The following KDM4C variants were observed in gnomAD, a reference collection of about 807,000 sequenced individuals.
The protein encoded by KDM4C is lysine demethylase 4C.
A neutral mutation model predicts 129.3 loss-of-function variants in KDM4C; 81 were observed. The ratio of observed to expected loss-of-function variants is 0.63; its 90% confidence interval spans 0.52 to 0.75. The LOEUF (loss-of-function observed/expected upper bound fraction) is 0.75, where lower values mean the gene tolerates loss of function less well. Among genes scored for constraint, KDM4C ranks in the 30% least tolerant of loss-of-function variants. KDM4C has a pLI of 0.00. For missense variants in KDM4C, 1,457 were observed against 1,304.0 expected, an observed-to-expected ratio of 1.12 and a Z score of -1.81; for synonymous variants, 573 against 456.1, an observed-to-expected ratio of 1.26 and a Z score of -3.26.
At chr9:7,137,507 C>T (rs1424838429) in intron 19 of KDM4C, among the ~76,000 whole-genome samples, 1 of 152,164 alleles carries the variant, frequency 6.6e-6, no homozygotes, top group Non-Finnish European at 1.5e-5. Context: ...CAAAATTTTA[C>T]ACTTTTAAAT....
Position 6,900,024 on chromosome 9 carries a change from G to C in KDM4C, c.921+6792G>C, listed in dbSNP as rs145165781. ...TGTTTTTAATTCAGTCTAGTTTCTT[G>C]TAGTTAAATACAATAGTAATAATAT... On this transcript the variant is annotated intron_variant, in intron 8 of 21. Coordinates refer to ENST00000381309, the MANE Select transcript of KDM4C (RefSeq NM_015061.6). 6.4e-3 allele frequency among the ~76,000 whole-genome samples: 970 copies of C among 152,256 alleles called. 8 individuals are homozygous for C. Among genetic ancestry groups the C allele is most frequent in the South Asian group, 0.011 (51 of 4,832 alleles).
chr9:6,835,574 C>G lies in KDM4C; in HGVS notation c.436-13933C>G, dbSNP rs1835734196. The G allele has an allele frequency of 7.3e-5, 74 of 1,009,032 alleles. 1 individual carries two copies. In the South Asian group the frequency reaches 9.1e-4, roughly 12 times the overall value. The allele number at this position is 1,009,032 out of a possible 1,614,324, so 62.5% of individuals were successfully genotyped here. On this transcript the variant is annotated intron_variant, in intron 4 of 21. Coordinates refer to ENST00000381309, the MANE Select transcript of KDM4C (RefSeq NM_015061.6). ...TCCATCATCCATCCTTCAAATGCTTCTAGGCGGACTGTGACTTAGTTGTGT... is the reference window on the plus strand; with the variant it reads ...TCCATCATCCATCCTTCAAATGCTTGTAGGCGGACTGTGACTTAGTTGTGT...
chr9:6,997,661 T>C, intron 12 of KDM4C, among the ~76,000 whole-genome samples: 1 of 152,238 alleles, frequency 6.6e-6, no homozygotes, highest in East Asian at 1.9e-4. Flanking sequence ...GTCTTGACTT[T>C]GTGCTTTATA....
At chr9:6,864,666 A>G (rs933045107) in intron 5 of KDM4C, among the ~76,000 whole-genome samples, 4 of 151,290 alleles carry the variant, frequency 2.6e-5, no homozygotes, top group Admixed American at 1.3e-4. Context: ...TTATTTATTT[A>G]TCTTTTTCTA....
intron 19 of KDM4C, among the ~76,000 whole-genome samples, chr9:7,155,874 A>G (rs1427927628): frequency 6.6e-6 from 1 of 152,254 alleles, no homozygotes; most frequent in Admixed American, 6.5e-5. Context: ...GAATATACCC[A>G]GTAATGGGGT....
intron 1 of KDM4C, among the ~76,000 whole-genome samples, chr9:6,747,948 C>T (rs1817935027): frequency 1.3e-5 from 2 of 152,098 alleles, no homozygotes; most frequent in Non-Finnish European, 2.9e-5. Flanking sequence ...GAGGCCAAGG[C>T]CGGTGGCTCA....
chr9:6,905,514 G>A (rs970701548), intron 8 of KDM4C, among the ~76,000 whole-genome samples: 1 of 152,152 alleles, frequency 6.6e-6, no homozygotes, highest in Non-Finnish European at 1.5e-5. Flanking sequence ...TATCAGAGAG[G>A]TTCTTCTGAA....
At chr9:7,103,255 A>G (rs1837302769) in intron 17 of KDM4C, among the ~76,000 whole-genome samples, 2 of 152,214 alleles carry the variant, frequency 1.3e-5, no homozygotes. Context: ...CATCTAATTT[A>G]GGAAAGAATG....
chr9:6,736,982 G>C lies in KDM4C; in HGVS notation c.49+15985G>C, dbSNP rs148851363. Among the ~76,000 whole-genome samples the C allele has an allele frequency of 9.3e-3, 1,404 of 150,234 alleles. 21 individuals are homozygous for C. Among genetic ancestry groups the C allele is most frequent in the African/African-American group, 0.033 (1,335 of 40,884 alleles). On this transcript the variant is annotated intron_variant, in intron 1 of 17. Coordinates refer to the KDM4C transcript ENST00000536108. The stretch of plus-strand genomic sequence containing the variant: ...ACAAGTATCGCTTGAACCTGGGAGG[G>C]GGAGGTTGCAGTGAGCCAAGATCAC...
chr9:6,802,949 A>G (rs558878927), intron 2 of KDM4C, among the ~76,000 whole-genome samples: 1 of 152,376 alleles, frequency 6.6e-6, no homozygotes, highest in African/African-American at 2.4e-5. Flanking sequence ...AGTGAAGTAT[A>G]AAAGATAAAC....
chr9:7,086,551 C>T (rs1174810097), intron 17 of KDM4C, among the ~76,000 whole-genome samples: 1 of 152,176 alleles, frequency 6.6e-6, no homozygotes, highest in Non-Finnish European at 1.5e-5. Flanking sequence ...CCATCTGCTC[C>T]TCCTACCACA....
chr9:7,115,577 C>T (rs1026508885), intron 18 of KDM4C, among the ~76,000 whole-genome samples: 1 of 152,018 alleles, frequency 6.6e-6, no homozygotes, highest in African/African-American at 2.4e-5. Flanking sequence ...ATGCCATAGC[C>T]GTAATGAAAA....
At chr9:6,749,022 A>ATTC (rs1563926577) in intron 1 of KDM4C, 1 of 667,592 alleles carries the variant, frequency 1.5e-6, no homozygotes. Context: ...GCTTATTATT[A>ATTC]TTATTTTTAT....
intron 1 of KDM4C, chr9:6,721,029 C>A (rs1329304551): frequency 2.0e-6 from 3 of 1,537,836 alleles, no homozygotes; most frequent in Non-Finnish European, 2.6e-6. Context: ...ATCCAGGACA[C>A]TTTGTACATA....
At chr9:6,980,865 C>A in intron 8 of KDM4C, 60 bp from the exon 9 acceptor site, 2 of 1,443,750 alleles carry the variant, frequency 1.4e-6, no homozygotes, top group Non-Finnish European at 1.9e-6. Flanking sequence ...CAAGGACCAA[C>A]TCTGTGTTAC....
At chr9:6,735,710 C>A (rs1200980519) in intron 1 of KDM4C, among the ~76,000 whole-genome samples, 1 of 152,186 alleles carries the variant, frequency 6.6e-6, no homozygotes, top group Non-Finnish European at 1.5e-5. Flanking sequence ...TCTTTTTCTT[C>A]CCAGTGTCAG....
rs533632315 is a variant in KDM4C, at chr9:6,967,329, C to T, written c.922-13596C>T. Among the ~76,000 whole-genome samples, 49 of 150,894 alleles carry T rather than the reference C, an allele frequency of 3.2e-4. 1 individual carries two copies. Among genetic ancestry groups the T allele is most frequent in the African/African-American group, 1.1e-3 (45 of 41,080 alleles). On this transcript the variant is annotated intron_variant, in intron 8 of 21. Transcript: ENST00000381309. ...ATCCCAGCTACTCGGGGGGCTGAAG[C>T]AGGAAGATCACTTGAGCCCAGGAGG...
chr9:7,076,635 C>T, intron 17 of KDM4C: 2 of 1,343,648 alleles, frequency 1.5e-6, no homozygotes, highest in Non-Finnish European at 1.9e-6. Flanking sequence ...GAGTCAGACC[C>T]TGGACTTTCC....
At chr9:6,735,212 C>G (rs62566528) in intron 1 of KDM4C, 18,005 of 203,030 alleles carry the variant, frequency 0.089, 1,053 homozygotes, top group Non-Finnish European at 0.12. Flanking sequence ...AAACAGAGCT[C>G]CCATCACCCA....
Sources: gnomAD v4.1 joint callset for allele counts (sites outside exome capture counted in the v4.1 genomes callset) on GRCh38, gnomAD v4.1.1 for gene constraint, MANE v1.5 for transcripts, NCBI Gene and HGNC (gene_info 2026-07-23, HGNC 2026-07-21) for gene names.